Variants in RAPGEF2 observed in about 807,000 individuals in gnomAD.
RAPGEF2 encodes PDZ domain containing guanine nucleotide exchange factor (GEF) 1.
Under a neutral mutation model 186.7 loss-of-function variants are expected in RAPGEF2, and 54 were observed. The observed-to-expected ratio is 0.29, with a 90% CI of 0.23 to 0.36. The LOEUF is 0.36. Among genes scored for constraint, RAPGEF2 ranks in the 10% least tolerant of loss-of-function variants. RAPGEF2 has a pLI of 1.00. For missense variants in RAPGEF2, 1,532 were observed against 2,045.0 expected (o/e 0.75, Z 4.84); for synonymous variants, 712 against 705.9 (o/e 1.01, Z -0.14).
At chr4:159,187,803 A>C (rs956966123) in intron 2 of RAPGEF2, among the ~76,000 whole-genome samples, 1 of 152,196 alleles carries the variant, frequency 6.6e-6, no homozygotes, top group Admixed American at 6.5e-5. Context: ...TGTTTTTTCC[A>C]GGTCTAGCTA....
chr4:159,237,649 A>G (rs1753425307), intron 4 of RAPGEF2, among the ~76,000 whole-genome samples: 1 of 152,016 alleles, frequency 6.6e-6, no homozygotes, highest in Non-Finnish European at 1.5e-5. Flanking sequence ...GTTCAATGAA[A>G]TAGTTTTTTG....
chr4:159,218,460 T>G (rs534565614), intron 4 of RAPGEF2, among the ~76,000 whole-genome samples: 20 of 152,178 alleles, frequency 1.3e-4, no homozygotes, highest in African/African-American at 4.6e-4. Context: ...TAGAGAACAT[T>G]ATTAGAAGTT....
At chr4:159,299,324 C>T (rs1762376491) in intron 7 of RAPGEF2, among the ~76,000 whole-genome samples, 2 of 151,822 alleles carry the variant, frequency 1.3e-5, no homozygotes, top group Admixed American at 6.6e-5. Flanking sequence ...CAGTTAAATA[C>T]ATTTCAGTCA....
intron 3 of RAPGEF2, among the ~76,000 whole-genome samples, chr4:159,204,846 C>T (rs992988013): frequency 1.3e-5 from 2 of 152,092 alleles, no homozygotes; most frequent in South Asian, 4.1e-4. Flanking sequence ...TAGAGAGACT[C>T]GCAAGTACTG....
chr4:159,178,286 A>G (rs889054860), intron 1 of RAPGEF2, among the ~76,000 whole-genome samples: 7 of 152,194 alleles, frequency 4.6e-5, no homozygotes, highest in Non-Finnish European at 7.3e-5. Flanking sequence ...TTGCACCAGC[A>G]TATGGTATGG....
Position 159,343,043 on chromosome 4 carries a change from G to T in RAPGEF2, c.2983G>T (p.Glu995Ter). The change falls in exon 21 of 30, where the codon GAA (glutamate) becomes TAA (stop). Residue 995 changes from glutamate (E) to a stop codon, truncating the protein, a stop_gained. Coordinates refer to ENST00000691494, the MANE Select transcript of RAPGEF2 (RefSeq NM_001394067.2). LOFTEE classifies it high-confidence loss of function. The part of the protein sequence containing the change: ...TTWEKLPNKY[E>*]KLFQDLQDLF... ...CTGGGAGAAACTTCCCAATAAATAC[G>T]AAAAACTATTTCAAGATCTCCAAGA... 1 of 1,613,926 alleles carries T rather than the reference G, an allele frequency of 6.2e-7. No homozygotes were observed. Among genetic ancestry groups the T allele is most frequent in the Non-Finnish European group, 8.5e-7 (1 of 1,179,936 alleles).
Position 159,104,160 on chromosome 4 carries a change from G to C in RAPGEF2, c.-3G>C. The C allele has an allele frequency of 6.6e-7, 1 of 1,525,430 alleles. No homozygotes were observed. Among genetic ancestry groups the C allele is most frequent in the Non-Finnish European group, 8.8e-7 (1 of 1,141,068 alleles). 94.5% of individuals were successfully genotyped at this position (1,525,430 alleles called of 1,614,324 possible). A position where few individuals can be genotyped will look rare whatever the true frequency, so the allele number is the denominator to read the frequency against. On this transcript the variant is annotated 5_prime_UTR_variant, in exon 1 of 30. Coordinates refer to ENST00000691494, the MANE Select transcript of RAPGEF2 (RefSeq NM_001394067.2). ...GCGGCCCCGGCCCGCTCCCAGAGGG[G>C]AGATGGCGTCCTACGTAGATAACAG... is the stretch of plus-strand genomic sequence containing the variant.
chr4:159,348,100 A>C (rs1730601325), intron 25 of RAPGEF2, among the ~76,000 whole-genome samples: 1 of 152,086 alleles, frequency 6.6e-6, no homozygotes, highest in African/African-American at 2.4e-5. Flanking sequence ...GCATGCCTGC[A>C]GTCCTAGCTA....
At chr4:159,243,918 T>G in intron 7 of RAPGEF2, 127 bp downstream of exon 7, 1 of 692,326 alleles carries the variant, frequency 1.4e-6, no homozygotes, top group Non-Finnish European at 2.2e-6. Context: ...TTGCCCTAAT[T>G]TACTTTGAAA....
intron 4 of RAPGEF2, among the ~76,000 whole-genome samples, chr4:159,211,991 A>G (rs1476169514): frequency 6.6e-6 from 1 of 152,244 alleles, no homozygotes; most frequent in Non-Finnish European, 1.5e-5. Context: ...AAGCTTTTAC[A>G]GTACTTTCCA....
chr4:159,330,102 T>A, intron 12 of RAPGEF2, 92 bp downstream of exon 12: 1 of 1,294,164 alleles, frequency 7.7e-7, no homozygotes, highest in Non-Finnish European at 1.1e-6. Flanking sequence ...TTTTTAGGCC[T>A]ATCTCTTAAA....
At chr4:159,231,549 A>T (rs1752648032) in intron 4 of RAPGEF2, among the ~76,000 whole-genome samples, 1 of 152,170 alleles carries the variant, frequency 6.6e-6, no homozygotes, top group Non-Finnish European at 1.5e-5. Flanking sequence ...GGATAAAGAA[A>T]AAATGAGATT....
intron 3 of RAPGEF2, among the ~76,000 whole-genome samples, chr4:159,205,560 G>A (rs1185384449): frequency 6.6e-6 from 1 of 152,124 alleles, no homozygotes; most frequent in African/African-American, 2.4e-5. Context: ...TTGTGCCATT[G>A]GGGGAGGGAC....
chr4:159,323,474 G>C lies in RAPGEF2; in HGVS notation c.1006G>C (p.Val336Leu), dbSNP rs1371718917. The part of the protein sequence containing the change: ...NDGEELDSWS[V>L]ILNGSVEVTY... ...TTTGGATTAGCTGGACTCCTGGTCA[G>C]TGATTCTCAATGGATCTGTGGAAGT... The change falls in exon 11 of 30, where the codon GTG becomes CTG. Residue 336 changes from valine to leucine, a missense_variant. Coordinates refer to ENST00000691494, the MANE Select transcript of RAPGEF2 (RefSeq NM_001394067.2). 1 of 1,603,306 alleles carries C rather than the reference G, an allele frequency of 6.2e-7. No individual in the cohort carries two copies. The highest frequency in any genetic ancestry group is 1.3e-5 in the African/African-American group (1 of 74,126).
chr4:159,181,763 C>G (rs1747038207), intron 1 of RAPGEF2, among the ~76,000 whole-genome samples: 1 of 152,102 alleles, frequency 6.6e-6, no homozygotes, highest in Admixed American at 6.5e-5. Context: ...TCTCGATCTC[C>G]TGACCTCAGG....
chr4:159,308,851 A>G (rs1000872507), intron 8 of RAPGEF2, among the ~76,000 whole-genome samples: 1 of 152,122 alleles, frequency 6.6e-6, no homozygotes, highest in Non-Finnish European at 1.5e-5. Context: ...CTCTCGGAAG[A>G]GTTGAGTTCA....
intron 7 of RAPGEF2, among the ~76,000 whole-genome samples, chr4:159,249,989 T>A (rs1182900575): frequency 6.6e-6 from 1 of 152,276 alleles, no homozygotes; most frequent in East Asian, 1.9e-4. Flanking sequence ...TTACTCGTAT[T>A]GGGAAATATC....
chr4:159,229,096 T>G (rs1752347680), intron 4 of RAPGEF2, among the ~76,000 whole-genome samples: 1 of 152,182 alleles, frequency 6.6e-6, no homozygotes, highest in African/African-American at 2.4e-5. Context: ...GAAAATAAAA[T>G]GTAGTAACTG....
chr4:159,255,546 G>T (rs911243748), intron 7 of RAPGEF2, among the ~76,000 whole-genome samples: 1 of 152,102 alleles, frequency 6.6e-6, no homozygotes, highest in Non-Finnish European at 1.5e-5. Flanking sequence ...TGTCTGAGGG[G>T]ATAGAGCTGC....
Sources: gnomAD v4.1 joint callset for allele counts (sites outside exome capture counted in the v4.1 genomes callset) on GRCh38, gnomAD v4.1.1 for gene constraint, MANE v1.5 for transcripts, NCBI Gene and HGNC (gene_info 2026-07-23, HGNC 2026-07-21) for gene names.